CACNA1A: variants seen among roughly 807,000 people sequenced by gnomAD.
CACNA1A encodes calcium voltage-gated channel subunit alpha1 A.
Under a neutral mutation model 262.4 loss-of-function variants are expected in CACNA1A, and 57 were observed. The observed-to-expected ratio is 0.22, with a 90% CI of 0.18 to 0.27. The LOEUF is 0.27. Among genes scored for constraint, CACNA1A ranks in the 10% least tolerant of loss-of-function variants. The pLI, the probability that CACNA1A is intolerant of heterozygous loss-of-function variation, is 1.00. For missense variants in CACNA1A, 2,526 were observed against 3,562.8 expected (o/e 0.71, Z 7.41); for synonymous variants, 1,431 against 1,419.3 (o/e 1.01, Z -0.18).
At chr19:13,330,128 T>C in intron 10 of CACNA1A, 116 bp downstream of exon 10, 2 of 659,824 alleles carry the variant, frequency 3.0e-6, no homozygotes, top group South Asian at 3.6e-5. Flanking sequence ...TGGGAAAGGG[T>C]GGAGCTGAGA....
intron 3 of CACNA1A, among the ~76,000 whole-genome samples, chr19:13,386,405 A>G (rs959123216): frequency 1.3e-5 from 2 of 152,142 alleles, no homozygotes; most frequent in African/African-American, 4.8e-5. Flanking sequence ...GATGAGTCAC[A>G]TGGTAAGAGA....
At chr19:13,406,386 T>G (rs2060001599) in intron 3 of CACNA1A, among the ~76,000 whole-genome samples, 1 of 140,298 alleles carries the variant, frequency 7.1e-6, no homozygotes, top group Non-Finnish European at 1.5e-5. Flanking sequence ...ACCTGGGAGG[T>G]GGAGGTTGCA....
At chr19:13,400,836 C>T (rs28488435) in intron 3 of CACNA1A, among the ~76,000 whole-genome samples, 15,727 of 152,092 alleles carry the variant, frequency 0.1, 2,099 homozygotes, top group African/African-American at 0.31. Flanking sequence ...GGGGCCATGG[C>T]GGTCCTGAGG....
chr19:13,312,360 A>C (rs769683341), intron 12 of CACNA1A, among the ~76,000 whole-genome samples: 9 of 152,158 alleles, frequency 5.9e-5, no homozygotes, highest in Non-Finnish European at 1.2e-4. Context: ...GAAGTTGGGT[A>C]CTTAGTTGGA....
chr19:13,394,202 C>T (rs2059770478), intron 3 of CACNA1A, among the ~76,000 whole-genome samples: 2 of 152,088 alleles, frequency 1.3e-5, no homozygotes, highest in Non-Finnish European at 2.9e-5. Context: ...CCTCTACTTT[C>T]CAGGTCAGAG....
At chr19:13,495,828 G>C (rs2053738175) in intron 1 of CACNA1A, among the ~76,000 whole-genome samples, 1 of 151,478 alleles carries the variant, frequency 6.6e-6, no homozygotes. Context: ...ATCCAGTCTA[G>C]TCATCTGCCT....
rs34069029 is a variant in CACNA1A, at chr19:13,253,316, CTT to C, written c.4756-217_4756-216del. On this transcript the variant is annotated intron_variant, in intron 29 of 46. Transcript: ENST00000360228. ...CAAAAAAACAAAAACCTCCCCCAAC[CTT>C]TTTTTTTTTTTTTTGGTAGACGGGG... Among the ~76,000 whole-genome samples, 431 of 134,794 alleles carry C rather than the reference CTT, an allele frequency of 3.2e-3. No individual in the cohort carries two copies. The Middle Eastern group carries it at 0.041, about 13-fold the overall frequency. The allele number at this position is 134,794 out of a possible 152,430, so 88.4% of individuals were successfully genotyped here.
intron 30 of CACNA1A, chr19:13,245,575 C>T (rs2056207134): frequency 2.8e-6 from 1 of 358,200 alleles, no homozygotes; most frequent in South Asian, 5.3e-5. Context: ...TTTGAGGGCT[C>T]CCGAGACCCC....
At chr19:13,359,878 T>C (rs1412083803) in intron 5 of CACNA1A, 79 bp from the exon 6 acceptor site, 2 of 946,724 alleles carry the variant, frequency 2.1e-6, no homozygotes, top group South Asian at 2.0e-5. Context: ...AGTGACTCTA[T>C]AATGCTGTTG....
At position 13,469,510 on chromosome 19, in the gene CACNA1A, G is replaced by A. The variant is rs1436735090; in HGVS notation, c.294-14298C>T. ...TTTTGAGACGGAGTCTCGCCCTGTCGCCCAGGCTGGAGTACAGCAGCTCCG... is the reference window on the plus strand; with the variant it reads ...TTTTGAGACGGAGTCTCGCCCTGTCACCCAGGCTGGAGTACAGCAGCTCCG... On this transcript the variant is annotated intron_variant, in intron 1 of 46. Transcript: ENST00000360228. Among the ~76,000 whole-genome samples the A allele has an allele frequency of 6.2e-5, 7 of 113,708 alleles. No individual in the cohort carries two copies. In the East Asian group the frequency reaches 9.1e-4, roughly 15 times the overall value. The allele number at this position is 113,708 out of a possible 152,430, so 74.6% of individuals were successfully genotyped here.
chr19:13,493,739 C>T (rs993023280), intron 1 of CACNA1A, among the ~76,000 whole-genome samples: 2 of 152,230 alleles, frequency 1.3e-5, no homozygotes, highest in African/African-American at 4.8e-5. Context: ...CAGAGATTCA[C>T]ACACAAAGAT....
intron 1 of CACNA1A, among the ~76,000 whole-genome samples, chr19:13,501,061 G>T (rs1048790143): frequency 2.6e-5 from 4 of 152,066 alleles, no homozygotes; most frequent in Non-Finnish European, 5.9e-5. Context: ...CACTGTGGGG[G>T]TATTTTAGGG....
intron 6 of CACNA1A, among the ~76,000 whole-genome samples, chr19:13,353,886 A>AC (rs1285973819): frequency 6.6e-6 from 1 of 151,998 alleles, no homozygotes; most frequent in Non-Finnish European, 1.5e-5. Context: ...CTAAGGAACC[A>AC]CCCATCACTT....
intron 30 of CACNA1A, among the ~76,000 whole-genome samples, chr19:13,250,685 C>T (rs548217674): frequency 2.6e-5 from 4 of 152,242 alleles, no homozygotes; most frequent in East Asian, 1.9e-4. Flanking sequence ...TGTGAGCCAC[C>T]GCACTCAGCC....
At chr19:13,349,164 T>C (rs1214277404) in intron 6 of CACNA1A, among the ~76,000 whole-genome samples, 1 of 152,164 alleles carries the variant, frequency 6.6e-6, no homozygotes, top group African/African-American at 2.4e-5. Flanking sequence ...CACGTCACCC[T>C]GTGGGCCTCC....
intron 3 of CACNA1A, among the ~76,000 whole-genome samples, chr19:13,416,428 T>C (rs1173085913): frequency 6.6e-6 from 1 of 152,134 alleles, no homozygotes; most frequent in Non-Finnish European, 1.5e-5. Flanking sequence ...ATGCCTGTAA[T>C]CCTAGCACTT....
chr19:13,301,109 G>C (rs1298198298), intron 17 of CACNA1A, among the ~76,000 whole-genome samples: 1 of 150,838 alleles, frequency 6.6e-6, no homozygotes, highest in Non-Finnish European at 1.5e-5. Flanking sequence ...CACTATGCCT[G>C]TATACATTTA....
intron 7 of CACNA1A, among the ~76,000 whole-genome samples, chr19:13,334,768 C>T (rs1196770907): frequency 6.6e-6 from 1 of 152,064 alleles, no homozygotes; most frequent in Non-Finnish European, 1.5e-5. Flanking sequence ...GGCACAGTGG[C>T]TCATGTCTGT....
intron 3 of CACNA1A, among the ~76,000 whole-genome samples, chr19:13,431,500 G>A (rs1489653427): frequency 6.6e-6 from 1 of 152,114 alleles, no homozygotes; most frequent in Non-Finnish European, 1.5e-5. Context: ...AGGGCAGGAG[G>A]AGCAGGTTTG....
Sources: allele counts gnomAD v4.1 joint callset (sites outside exome capture counted in the v4.1 genomes callset), GRCh38; gene constraint gnomAD v4.1.1; transcripts MANE v1.5; gene names NCBI Gene and HGNC (gene_info 2026-07-23, HGNC 2026-07-21).